CADPS: variants seen among roughly 807,000 people sequenced by gnomAD.
The protein encoded by CADPS is calcium dependent secretion activator.
A neutral mutation model predicts 167.3 loss-of-function variants in CADPS; 57 were observed. The ratio of observed to expected loss-of-function variants is 0.34; its 90% CI spans 0.28 to 0.42. The LOEUF is 0.42. CADPS is among the 20% of genes least tolerant of loss of function. The probability of loss-of-function intolerance (pLI) is 1.00; values close to 1 mark genes in which losing one functional copy is unlikely to be tolerated. For synonymous variants in CADPS, 676 were observed against 635.3 expected (o/e 1.06, Z -0.96); for missense variants, 1,414 against 1,738.1 (o/e 0.81, Z 3.32).
chr3:62,841,605 C>A (rs1286273207), intron 1 of CADPS, among the ~76,000 whole-genome samples: 1 of 152,022 alleles, frequency 6.6e-6, no homozygotes, highest in Non-Finnish European at 1.5e-5. Context: ...TAGTCCCAGC[C>A]GCTCAGGAGG....
intron 1 of CADPS, among the ~76,000 whole-genome samples, chr3:62,832,735 T>G (rs1428387275): frequency 6.6e-6 from 1 of 152,252 alleles, no homozygotes; most frequent in Non-Finnish European, 1.5e-5. Flanking sequence ...CTATAGATCC[T>G]AAATGTAAGA....
Position 62,446,476 on chromosome 3 carries a change from G to A in CADPS, c.3637-679C>T, listed in dbSNP as rs1025605117. Among the ~76,000 whole-genome samples, 2 of 152,152 alleles carry A rather than the reference G, an allele frequency of 1.3e-5. No individual in the cohort carries two copies. Among genetic ancestry groups the A allele is most frequent in the Non-Finnish European group, 2.9e-5 (2 of 68,036 alleles). On this transcript the variant is annotated intron_variant, in intron 26 of 29. Transcript: ENST00000383710. The surrounding 1 kb of genome is among the most constrained non-coding windows in gnomAD (Gnocchi z 4.9). ...GCATGAAGTTTGGAGTCAGATCTCA[G>A]TTCGAATCCCAACTCTACCACTTAC...
chr3:62,466,129 A>G lies in CADPS; in HGVS notation c.3552+210T>C, dbSNP rs529929259. Reference sequence around the variant, plus strand: ...AACGTTTGGGGACAAATTCTTATTAAGTTAACATATGCCACTTCATCAATT... The same window carrying G: ...AACGTTTGGGGACAAATTCTTATTAGGTTAACATATGCCACTTCATCAATT... On this transcript the variant is annotated intron_variant, in intron 25 of 29. Coordinates refer to ENST00000383710, the MANE Select transcript of CADPS (RefSeq NM_003716.4). Among the ~76,000 whole-genome samples the G allele has an allele frequency of 6.6e-5, 10 of 152,342 alleles. No individual in the cohort carries two copies. The South Asian group carries it at 1.9e-3, about 28-fold the overall frequency.
At chr3:62,718,454 G>A (rs1289836234) in intron 3 of CADPS, among the ~76,000 whole-genome samples, 1 of 152,218 alleles carries the variant, frequency 6.6e-6, no homozygotes, top group Non-Finnish European at 1.5e-5. Flanking sequence ...CAGAGAACTT[G>A]CTGTTTTTCT....
chr3:62,838,139 A>G (rs2076158794), intron 1 of CADPS, among the ~76,000 whole-genome samples: 1 of 152,336 alleles, frequency 6.6e-6, no homozygotes, highest in Admixed American at 6.5e-5. Context: ...AGATGTGGCT[A>G]CTTGTGGGGC....
At chr3:62,664,622 C>G (rs2074067711) in intron 3 of CADPS, among the ~76,000 whole-genome samples, 1 of 152,208 alleles carries the variant, frequency 6.6e-6, no homozygotes, top group African/African-American at 2.4e-5. Flanking sequence ...AATACATATG[C>G]AAATGAAACA....
intron 1 of CADPS, among the ~76,000 whole-genome samples, chr3:62,871,499 A>G (rs2082621734): frequency 6.6e-6 from 1 of 152,120 alleles, no homozygotes; most frequent in Admixed American, 6.5e-5. Context: ...GGCTCTTTTT[A>G]TCCTAGACTA....
At chr3:62,821,240 T>A (rs2094900899) in intron 1 of CADPS, among the ~76,000 whole-genome samples, 1 of 152,198 alleles carries the variant, frequency 6.6e-6, no homozygotes, top group Non-Finnish European at 1.5e-5. Flanking sequence ...ACACCACTTA[T>A]TATACTCATA....
chr3:62,789,611 G>A (rs1314851468), intron 1 of CADPS, among the ~76,000 whole-genome samples: 1 of 152,154 alleles, frequency 6.6e-6, no homozygotes, highest in East Asian at 1.9e-4. Context: ...GCTGGGAGGG[G>A]TGCAGAAGCC....
intron 17 of CADPS, among the ~76,000 whole-genome samples, chr3:62,506,171 C>G (rs140297663): frequency 1.5e-4 from 23 of 152,208 alleles, no homozygotes; most frequent in African/African-American, 5.5e-4. Flanking sequence ...AGGAGGATCA[C>G]GAGGTCAGGA....
intron 3 of CADPS, among the ~76,000 whole-genome samples, chr3:62,716,593 A>G (rs2084678694): frequency 6.6e-6 from 1 of 152,028 alleles, no homozygotes; most frequent in Non-Finnish European, 1.5e-5. Flanking sequence ...CACCCAAACA[A>G]GATGACTTTA....
At chr3:62,664,784 G>C (rs2074095490) in intron 3 of CADPS, among the ~76,000 whole-genome samples, 1 of 152,194 alleles carries the variant, frequency 6.6e-6, no homozygotes, top group Non-Finnish European at 1.5e-5. Flanking sequence ...AACAGAACCA[G>C]CTCCATTACT....
At chr3:62,720,221 T>C (rs1197416873) in intron 3 of CADPS, among the ~76,000 whole-genome samples, 1 of 152,204 alleles carries the variant, frequency 6.6e-6, no homozygotes, top group African/African-American at 2.4e-5. Flanking sequence ...TAAAAACTTG[T>C]TGAAAAGTTA....
At chr3:62,554,789 G>C (rs1414233887) in intron 10 of CADPS, among the ~76,000 whole-genome samples, 1 of 152,160 alleles carries the variant, frequency 6.6e-6, no homozygotes, top group African/African-American at 2.4e-5. Flanking sequence ...GTCTCTCTCT[G>C]TTGCCCAGGC....
chr3:62,688,238 G>C (rs2151209208), intron 3 of CADPS, among the ~76,000 whole-genome samples: 1 of 22,450 alleles, frequency 4.5e-5, no homozygotes, highest in African/African-American at 7.4e-5. Flanking sequence ...TCTTTCCCCT[G>C]TCATGCTAAC....
chr3:62,523,179 G>A (rs1442919838), intron 13 of CADPS, among the ~76,000 whole-genome samples: 1 of 152,012 alleles, frequency 6.6e-6, no homozygotes, highest in Non-Finnish European at 1.5e-5. Flanking sequence ...TACATCTAGA[G>A]TTGCATTTTT....
At chr3:62,467,341 G>GAAAAAA in intron 24 of CADPS, 1 of 1,188,632 alleles carries the variant, frequency 8.4e-7, no homozygotes, top group Non-Finnish European at 1.1e-6. Flanking sequence ...ATTAGGAACA[G>GAAAAAA]AAAAAAAAAG....
intron 1 of CADPS, among the ~76,000 whole-genome samples, chr3:62,786,412 C>T (rs560622779): frequency 6.6e-6 from 1 of 152,074 alleles, no homozygotes; most frequent in Non-Finnish European, 1.5e-5. Flanking sequence ...GAGGCTGAGG[C>T]AGGGAGATTG....
At chr3:62,439,193 A>G (rs932099159) in intron 27 of CADPS, 2 of 152,220 alleles carry the variant, frequency 1.3e-5, no homozygotes, top group African/African-American at 4.8e-5. Context: ...GATTTACCTT[A>G]GATCACAAAG....
Sources: allele counts gnomAD v4.1 joint callset (sites outside exome capture counted in the v4.1 genomes callset), GRCh38; gene constraint gnomAD v4.1.1; non-coding constraint Gnocchi (gnomAD v3.1); transcripts MANE v1.5; gene names NCBI Gene and HGNC (gene_info 2026-07-23, HGNC 2026-07-21).